Variants in LHFPL6 observed in about 807,000 individuals in gnomAD.
LHFPL6 encodes the protein LHFPL tetraspan subfamily member 6 protein.
LHFPL6 carries 9 observed loss-of-function variants against 20.6 expected under a neutral mutation model. The ratio of observed to expected loss-of-function variants is 0.44; its 90% confidence interval spans 0.26 to 0.76. The LOEUF (loss-of-function observed/expected upper bound fraction) is 0.76. Among genes scored for constraint, LHFPL6 ranks in the 30% least tolerant of loss-of-function variants. The pLI is 0.20. For synonymous variants in LHFPL6, 105 were observed against 98.7 expected, an observed-to-expected ratio of 1.06 and a Z score of -0.38; for missense variants, 218 against 253.5, an observed-to-expected ratio of 0.86 and a Z score of 0.95.
At chr13:39,559,271 T>G (rs1007794200) in intron 2 of LHFPL6, among the ~76,000 whole-genome samples, 1 of 152,168 alleles carries the variant, frequency 6.6e-6, no homozygotes, top group South Asian at 2.1e-4. Context: ...GGCTCCATTC[T>G]TTAGGCTGGG....
intron 2 of LHFPL6, among the ~76,000 whole-genome samples, chr13:39,550,094 T>C (rs1280701285): frequency 6.6e-6 from 1 of 152,110 alleles, no homozygotes; most frequent in Non-Finnish European, 1.5e-5. Flanking sequence ...CCAAAAACCA[T>C]TGAATTATAT....
At chr13:39,409,436 G>A (rs1352987440) in intron 2 of LHFPL6, among the ~76,000 whole-genome samples, 1 of 151,820 alleles carries the variant, frequency 6.6e-6, no homozygotes, top group African/African-American at 2.4e-5. Context: ...CCTGGGCAAC[G>A]GAGTGAGACT....
intron 2 of LHFPL6, among the ~76,000 whole-genome samples, chr13:39,549,180 A>T (rs9548806): frequency 0.88 from 133,238 of 151,948 alleles, 58,673 homozygotes; most frequent in African/African-American, 0.94. Flanking sequence ...ATCAGGAAAA[A>T]AAAAATTGAA....
At chr13:39,564,637 C>T (rs1220433864) in intron 2 of LHFPL6, among the ~76,000 whole-genome samples, 1 of 152,150 alleles carries the variant, frequency 6.6e-6, no homozygotes, top group African/African-American at 2.4e-5. Flanking sequence ...ATTTTGGTTG[C>T]CTTTGGGAAA....
intron 2 of LHFPL6, among the ~76,000 whole-genome samples, chr13:39,509,144 T>C (rs1334079202): frequency 2.6e-5 from 4 of 152,228 alleles, no homozygotes; most frequent in Admixed American, 1.3e-4. Flanking sequence ...CATGAAACGA[T>C]GGTGAACATC....
chr13:39,347,928 C>T (rs973817273), intron 3 of LHFPL6, among the ~76,000 whole-genome samples: 3 of 152,088 alleles, frequency 2.0e-5, no homozygotes, highest in Admixed American at 2.0e-4. Flanking sequence ...TATGACCTAA[C>T]ATGAAAAGTA....
At chr13:39,436,767 T>G (rs1871969032) in intron 2 of LHFPL6, among the ~76,000 whole-genome samples, 1 of 152,392 alleles carries the variant, frequency 6.6e-6, no homozygotes, top group South Asian at 2.1e-4. Context: ...ATCACATTGA[T>G]CACTGTGTTT....
chr13:39,517,518 A>C (rs1869965385), intron 2 of LHFPL6, among the ~76,000 whole-genome samples: 1 of 152,190 alleles, frequency 6.6e-6, no homozygotes, highest in African/African-American at 2.4e-5. Flanking sequence ...GAAGATCCCA[A>C]ATACATGTCT....
At chr13:39,372,128 G>T (rs1174477523) in intron 3 of LHFPL6, among the ~76,000 whole-genome samples, 1 of 150,164 alleles carries the variant, frequency 6.7e-6, no homozygotes, top group Non-Finnish European at 1.5e-5. Context: ...TATAATAAGA[G>T]ATCTCACACG....
chr13:39,510,872 A>ATTTTT (rs71245386), intron 2 of LHFPL6, among the ~76,000 whole-genome samples: 1 of 150,466 alleles, frequency 6.6e-6, no homozygotes, highest in Non-Finnish European at 1.5e-5. Context: ...ATTACTTTAA[A>ATTTTT]TTTTTTTTTT....
chr13:39,349,409 A>C (rs762265384), intron 3 of LHFPL6, among the ~76,000 whole-genome samples: 11 of 152,168 alleles, frequency 7.2e-5, no homozygotes, highest in Non-Finnish European at 1.5e-4. Flanking sequence ...ACTGTCATCC[A>C]ACCCTGATTC....
At chr13:39,500,987 G>A (rs774138874) in intron 2 of LHFPL6, among the ~76,000 whole-genome samples, 1 of 152,150 alleles carries the variant, frequency 6.6e-6, no homozygotes. Flanking sequence ...GGGGTGGGGC[G>A]TGACAATGTG....
chr13:39,549,484 T>C (rs1227569967), intron 2 of LHFPL6, among the ~76,000 whole-genome samples: 1 of 152,030 alleles, frequency 6.6e-6, no homozygotes, highest in African/African-American at 2.4e-5. Context: ...TATACATAGA[T>C]AAGAATAGCT....
intron 2 of LHFPL6, among the ~76,000 whole-genome samples, chr13:39,424,999 A>T (rs756653283): frequency 1.5e-4 from 23 of 152,162 alleles, no homozygotes; most frequent in Non-Finnish European, 3.1e-4. Flanking sequence ...AGCCATGGCC[A>T]CAATGAAGAT....
intron 2 of LHFPL6, among the ~76,000 whole-genome samples, chr13:39,429,804 A>G (rs1871739341): frequency 6.6e-6 from 1 of 152,180 alleles, no homozygotes. Context: ...TGTCAAGGCC[A>G]CTGACTTCCT....
chr13:39,451,917 A>G (rs1872454388), intron 2 of LHFPL6, among the ~76,000 whole-genome samples: 1 of 152,200 alleles, frequency 6.6e-6, no homozygotes, highest in Admixed American at 6.5e-5. Flanking sequence ...GTGTAAAACT[A>G]CAGGAAATAT....
chr13:39,588,856 A>G (rs577742885), intron 2 of LHFPL6, among the ~76,000 whole-genome samples: 187 of 152,360 alleles, frequency 1.2e-3, no homozygotes, highest in Middle Eastern at 3.4e-3. Flanking sequence ...GAATAAAAAT[A>G]TAAGTCATCG....
chr13:39,450,633 T>A (rs1047577046), intron 2 of LHFPL6, among the ~76,000 whole-genome samples: 2 of 152,288 alleles, frequency 1.3e-5, no homozygotes, highest in South Asian at 4.1e-4. Flanking sequence ...GTGCTGCTAG[T>A]ACACCCAGGT....
chr13:39,381,716 A>G (rs1345902082), intron 2 of LHFPL6, among the ~76,000 whole-genome samples: 1 of 151,932 alleles, frequency 6.6e-6, no homozygotes, highest in African/African-American at 2.4e-5. Flanking sequence ...AATTTAACAG[A>G]GTTTAATTGA....
Sources: allele counts gnomAD v4.1 joint callset (sites outside exome capture counted in the v4.1 genomes callset), GRCh38; gene constraint gnomAD v4.1.1; transcripts MANE v1.5; gene names NCBI Gene and HGNC (gene_info 2026-07-23, HGNC 2026-07-21).